DENND4C: variants seen among roughly 807,000 people sequenced by gnomAD.
The protein encoded by DENND4C is DENN domain-containing protein 4C.
A neutral mutation model predicts 203.0 loss-of-function variants in DENND4C; 108 were observed. That is an observed-to-expected ratio of 0.53 (90% CI 0.46 to 0.62). The LOEUF (loss-of-function observed/expected upper bound fraction) is 0.62. DENND4C is among the 20% of genes least tolerant of loss of function. DENND4C has a pLI of 0.00. For synonymous variants in DENND4C, 871 were observed against 792.4 expected, an observed-to-expected ratio of 1.10 and a Z score of -1.67; for missense variants, 2,481 against 2,301.2, an observed-to-expected ratio of 1.08 and a Z score of -1.60.
intron 1 of DENND4C, among the ~76,000 whole-genome samples, chr9:19,258,000 A>C (rs35247177): frequency 0.024 from 3,706 of 152,118 alleles, 62 homozygotes; most frequent in Non-Finnish European, 0.025. Flanking sequence ...TGTCCACGGT[A>C]CCAGCTACTT....
intron 23 of DENND4C, among the ~76,000 whole-genome samples, chr9:19,347,494 T>C (rs1274400088): frequency 6.6e-6 from 1 of 152,246 alleles, no homozygotes; most frequent in East Asian, 1.9e-4. Flanking sequence ...AGTCTATCTG[T>C]AGTCTATTTT....
intron 10 of DENND4C, among the ~76,000 whole-genome samples, chr9:19,311,836 A>G (rs1476998219): frequency 6.6e-6 from 1 of 152,218 alleles, no homozygotes. Context: ...TGCAGTTAGA[A>G]GTGAGATATA....
chr9:19,324,594 T>TA (rs1392167722), intron 13 of DENND4C, 87 bp downstream of exon 13: 1 of 1,387,004 alleles, frequency 7.2e-7, no homozygotes, highest in Non-Finnish European at 9.9e-7. Context: ...TCTAGAGTGA[T>TA]ATAAGGAAAA....
intron 1 of DENND4C, among the ~76,000 whole-genome samples, chr9:19,246,936 G>A (rs1281741263): frequency 1.3e-5 from 2 of 152,028 alleles, no homozygotes; most frequent in Non-Finnish European, 2.9e-5. Flanking sequence ...AGAAAGAATT[G>A]CTCATTCTCA....
chr9:19,317,786 A>C (rs1842098340), intron 12 of DENND4C, among the ~76,000 whole-genome samples: 1 of 152,238 alleles, frequency 6.6e-6, no homozygotes, highest in African/African-American at 2.4e-5. Flanking sequence ...TATTTTACAC[A>C]GTTTTAATTT....
chr9:19,355,880 AT>A (rs575665765), intron 26 of DENND4C, among the ~76,000 whole-genome samples: 4 of 151,686 alleles, frequency 2.6e-5, no homozygotes, highest in African/African-American at 9.7e-5. Flanking sequence ...ATATCTCTGT[AT>A]TTTTTTTCAG....
At chr9:19,326,688 A>G (rs913126857) in intron 15 of DENND4C, among the ~76,000 whole-genome samples, 17 of 152,124 alleles carry the variant, frequency 1.1e-4, no homozygotes, top group African/African-American at 4.1e-4. Flanking sequence ...CAAAATGGAA[A>G]ACTAATACAT....
At chr9:19,253,948 C>T (rs889277172) in intron 1 of DENND4C, among the ~76,000 whole-genome samples, 1 of 151,916 alleles carries the variant, frequency 6.6e-6, no homozygotes, top group African/African-American at 2.4e-5. Context: ...CAGAACCAGC[C>T]TACGCAACAT....
intron 2 of DENND4C, among the ~76,000 whole-genome samples, chr9:19,282,259 T>A (rs1834207909): frequency 6.6e-6 from 1 of 151,980 alleles, no homozygotes; most frequent in Non-Finnish European, 1.5e-5. Context: ...TTTATTCTTT[T>A]ATTTTTTATT....
intron 10 of DENND4C, among the ~76,000 whole-genome samples, chr9:19,308,481 T>G (rs1159589391): frequency 6.6e-6 from 1 of 152,222 alleles, no homozygotes; most frequent in Non-Finnish European, 1.5e-5. Context: ...AATTGGATGT[T>G]CCTTTTGTTG....
intron 3 of DENND4C, among the ~76,000 whole-genome samples, chr9:19,288,025 C>T (rs1400560424): frequency 6.6e-6 from 1 of 152,248 alleles, no homozygotes; most frequent in Admixed American, 6.5e-5. Context: ...CAAGCCACCA[C>T]ACCCAATCCA....
chr9:19,304,784 T>C (rs934158270), intron 9 of DENND4C, among the ~76,000 whole-genome samples: 12 of 148,106 alleles, frequency 8.1e-5, no homozygotes, highest in African/African-American at 2.2e-4. Flanking sequence ...CTCCTGACCT[T>C]GTGATCCACC....
intron 1 of DENND4C, among the ~76,000 whole-genome samples, chr9:19,239,873 G>T (rs1588713502): frequency 6.6e-6 from 1 of 152,144 alleles, no homozygotes; most frequent in East Asian, 1.9e-4. Flanking sequence ...TGCTTGAAAA[G>T]ATGGTTTATC....
intron 1 of DENND4C, among the ~76,000 whole-genome samples, chr9:19,258,342 C>A (rs963154151): frequency 1.3e-5 from 2 of 152,092 alleles, no homozygotes; most frequent in Non-Finnish European, 2.9e-5. Context: ...GAAATTTTTC[C>A]CAACTTGTTC....
At chr9:19,338,565 A>G (rs1241356558) in intron 20 of DENND4C, among the ~76,000 whole-genome samples, 1 of 152,146 alleles carries the variant, frequency 6.6e-6, no homozygotes, top group African/African-American at 2.4e-5. Context: ...TGGCGATGCC[A>G]TTTGATGCTT....
intron 10 of DENND4C, among the ~76,000 whole-genome samples, chr9:19,307,239 T>TA (rs1479931019): frequency 3.3e-5 from 5 of 150,906 alleles, no homozygotes; most frequent in African/African-American, 1.2e-4. Context: ...CTACATAAAA[T>TA]AAAAAATTAG....
At chr9:19,308,023 GT>G (rs748496883) in intron 10 of DENND4C, among the ~76,000 whole-genome samples, 51 of 151,928 alleles carry the variant, frequency 3.4e-4, no homozygotes, top group Non-Finnish European at 6.0e-4. Flanking sequence ...TACTTGAATA[GT>G]TTTCTGTGAA....
At chr9:19,361,548 G>A (rs536815284) in intron 29 of DENND4C, among the ~76,000 whole-genome samples, 268 of 152,306 alleles carry the variant, frequency 1.8e-3, no homozygotes, top group African/African-American at 6.1e-3. Context: ...TGGTAAGGTA[G>A]TAGAACCTCT....
At chr9:19,353,482 G>T (rs10964106) in intron 26 of DENND4C, among the ~76,000 whole-genome samples, 1 of 152,114 alleles carries the variant, frequency 6.6e-6, no homozygotes, top group African/African-American at 2.4e-5. Flanking sequence ...CAAAAGATTA[G>T]CCAGGTGTGG....
Sources: gnomAD v4.1 joint callset for allele counts (sites outside exome capture counted in the v4.1 genomes callset) on GRCh38, gnomAD v4.1.1 for gene constraint, MANE v1.5 for transcripts, NCBI Gene and HGNC (gene_info 2026-07-23, HGNC 2026-07-21) for gene names.